CTNND2: variants seen among roughly 807,000 people sequenced by gnomAD.
The protein encoded by CTNND2 is catenin delta 2, also known as catenin delta-2.
CTNND2 carries 22 observed loss-of-function variants against 144.4 expected under a neutral mutation model. The observed-to-expected ratio is 0.15, with a 90% confidence interval of 0.11 to 0.22. The LOEUF (loss-of-function observed/expected upper bound fraction) is 0.22. CTNND2 is among the 10% of genes least tolerant of loss of function. The probability of loss-of-function intolerance (pLI) is 1.00; values close to 1 mark genes in which losing one functional copy is unlikely to be tolerated. For synonymous variants in CTNND2, 751 were observed against 695.6 expected (o/e 1.08, Z -1.25); for missense variants, 1,353 against 1,618.8 (o/e 0.84, Z 2.82).
intron 16 of CTNND2, among the ~76,000 whole-genome samples, chr5:11,074,547 G>T (rs902309279): frequency 6.6e-6 from 1 of 152,070 alleles, no homozygotes; most frequent in African/African-American, 2.4e-5. Context: ...TGGTTAAAAA[G>T]GTATCTCAAA....
chr5:11,250,512 T>TATAC lies in CTNND2; in HGVS notation c.1629-13690_1629-13689insGTAT, dbSNP rs1561094226. Among the ~76,000 whole-genome samples, 6 of 72,426 alleles carry TATAC rather than the reference T, an allele frequency of 8.3e-5. No individual in the cohort carries two copies. In the East Asian group the frequency reaches 1.2e-3, roughly 14 times the overall value. 47.5% of individuals were successfully genotyped at this position (72,426 alleles called of 152,430 possible). A position where few individuals can be genotyped will look rare whatever the true frequency, so the allele number is the denominator to read the frequency against. ...CTCTCTATATATATATATATATATA[T>TATAC]ACATATATTTTTTTTTTTTTTTAGA... On this transcript the variant is annotated intron_variant, in intron 9 of 21. Coordinates refer to ENST00000304623, the MANE Select transcript of CTNND2 (RefSeq NM_001332.4).
intron 7 of CTNND2, among the ~76,000 whole-genome samples, chr5:11,373,647 C>T (rs1034765416): frequency 1.3e-5 from 2 of 152,120 alleles, no homozygotes; most frequent in Admixed American, 6.5e-5. Flanking sequence ...AAAGATTCTC[C>T]AGGCTTCTCC....
intron 3 of CTNND2, among the ~76,000 whole-genome samples, chr5:11,545,098 GCA>G: frequency 2.2e-5 from 3 of 135,876 alleles, no homozygotes; most frequent in Middle Eastern, 5.0e-3. Context: ...CTCCAGCCTG[GCA>G]ACAGAGCGAG....
chr5:11,561,467 A>G (rs948180094), intron 3 of CTNND2, among the ~76,000 whole-genome samples: 3 of 152,228 alleles, frequency 2.0e-5, no homozygotes, highest in Admixed American at 2.0e-4. Context: ...GACAATCACT[A>G]AACAGTCTGA....
At chr5:11,491,771 G>A (rs1769411275) in intron 3 of CTNND2, among the ~76,000 whole-genome samples, 1 of 152,160 alleles carries the variant, frequency 6.6e-6, no homozygotes, top group Non-Finnish European at 1.5e-5. Flanking sequence ...AAAATGGAGA[G>A]ATGCTAAAGT....
intron 2 of CTNND2, among the ~76,000 whole-genome samples, chr5:11,624,992 C>A (rs756423676): frequency 1.7e-4 from 26 of 151,518 alleles, no homozygotes; most frequent in Non-Finnish European, 3.2e-4. Flanking sequence ...CCATTGACAA[C>A]AACAACCAAA....
Position 11,207,347 on chromosome 5 carries a change from G to A in CTNND2, c.1762-7686C>T, listed in dbSNP as rs1482737327. On this transcript the variant is annotated intron_variant, in intron 10 of 21. Coordinates refer to ENST00000304623, the MANE Select transcript of CTNND2 (RefSeq NM_001332.4). ...ATGTGTATATCTATGTAACAGACAT[G>A]CAAGTTCTGCACACGTATCCCAGAA... 5.3e-5 allele frequency among the ~76,000 whole-genome samples: 8 copies of A among 149,710 alleles called. No individual in the cohort carries two copies. In the Admixed American group the frequency reaches 5.3e-4, roughly 10 times the overall value.
intron 1 of CTNND2, among the ~76,000 whole-genome samples, chr5:11,864,772 G>A (rs370971842): frequency 3.3e-5 from 5 of 151,994 alleles, no homozygotes; most frequent in South Asian, 4.2e-4. Context: ...AATGCCTCCC[G>A]TCAGTGCTCA....
At chr5:11,440,427 A>T (rs1212031278) in intron 3 of CTNND2, among the ~76,000 whole-genome samples, 1 of 152,194 alleles carries the variant, frequency 6.6e-6, no homozygotes, top group Non-Finnish European at 1.5e-5. Flanking sequence ...TTAGAAAACT[A>T]TTTTAATAAG....
At chr5:11,712,297 A>ATT (rs61460124) in intron 2 of CTNND2, among the ~76,000 whole-genome samples, 12 of 150,858 alleles carry the variant, frequency 8.0e-5, no homozygotes, top group East Asian at 1.9e-4. Context: ...CTTTCATTGC[A>ATT]TTTTTTTTTA....
chr5:11,808,658 TTCTC>T (rs1454210678), intron 1 of CTNND2, among the ~76,000 whole-genome samples: 1 of 152,160 alleles, frequency 6.6e-6, no homozygotes, highest in African/African-American at 2.4e-5. Context: ...GCTTTCTTTC[TTCTC>T]TCTACCACAG....
chr5:11,346,324 A>T, intron 9 of CTNND2, 48 bp downstream of exon 9: 1 of 1,367,428 alleles, frequency 7.3e-7, no homozygotes, highest in Non-Finnish European at 9.5e-7. Context: ...GTACCAGGTT[A>T]CAAAACCTCT....
chr5:11,367,564 A>G (rs1180336123), intron 7 of CTNND2, among the ~76,000 whole-genome samples: 1 of 152,208 alleles, frequency 6.6e-6, no homozygotes, highest in African/African-American at 2.4e-5. Flanking sequence ...AGTGAATCTC[A>G]AGCGTCACAC....
At chr5:11,616,551 C>G (rs954827844) in intron 2 of CTNND2, among the ~76,000 whole-genome samples, 2 of 151,000 alleles carry the variant, frequency 1.3e-5, no homozygotes, top group Non-Finnish European at 3.0e-5. Context: ...TGCTTCCTTT[C>G]TCCCTCCCTC....
chr5:11,206,576 A>C (rs1229453133), intron 10 of CTNND2, among the ~76,000 whole-genome samples: 1 of 152,236 alleles, frequency 6.6e-6, no homozygotes, highest in Non-Finnish European at 1.5e-5. Flanking sequence ...CTGAATGCAA[A>C]AATCACAAAG....
intron 12 of CTNND2, among the ~76,000 whole-genome samples, chr5:11,126,530 A>C (rs1049592569): frequency 6.6e-6 from 1 of 152,174 alleles, no homozygotes; most frequent in African/African-American, 2.4e-5. Context: ...TTCCATACGC[A>C]ATGCTAAGTC....
chr5:11,476,696 T>A (rs40294), intron 3 of CTNND2, among the ~76,000 whole-genome samples: 92,754 of 151,990 alleles, frequency 0.61, 29,502 homozygotes, highest in African/African-American at 0.78. Flanking sequence ...TACTAAATGT[T>A]CATGATTATT....
chr5:11,584,047 C>CA (rs1243879033), intron 2 of CTNND2, among the ~76,000 whole-genome samples: 2 of 152,172 alleles, frequency 1.3e-5, no homozygotes. Flanking sequence ...CCCACCTCGG[C>CA]AAGTAAATTT....
At chr5:10,981,017 A>G (rs1341639919) in intron 21 of CTNND2, among the ~76,000 whole-genome samples, 1 of 152,198 alleles carries the variant, frequency 6.6e-6, no homozygotes, top group South Asian at 2.1e-4. Flanking sequence ...CATTCTGCAC[A>G]TGTACCCCAG....
Sources: gnomAD v4.1 joint callset for allele counts (sites outside exome capture counted in the v4.1 genomes callset) on GRCh38, gnomAD v4.1.1 for gene constraint, MANE v1.5 for transcripts, NCBI Gene and HGNC (gene_info 2026-07-23, HGNC 2026-07-21) for gene names.